RIGI: variants seen among roughly 807,000 people sequenced by gnomAD.
RIGI encodes RNA sensor RIG-I.
the RIGI span, among the ~76,000 whole-genome samples, chr9:32,519,907 G>A: frequency 6.6e-6 from 1 of 152,200 alleles, no homozygotes; most frequent in African/African-American, 2.4e-5. Flanking sequence ...CAAGTGTTAT[G>A]CCAGTTTGAA....
chr9:32,514,070 A>G, the RIGI span, among the ~76,000 whole-genome samples: 1 of 152,218 alleles, frequency 6.6e-6, no homozygotes, highest in Non-Finnish European at 1.5e-5. Context: ...AAAAGTCAGG[A>G]AACAACAGAT....
the RIGI span, among the ~76,000 whole-genome samples, chr9:32,501,524 A>AGAAG: frequency 6.6e-6 from 1 of 152,050 alleles, no homozygotes; most frequent in Non-Finnish European, 1.5e-5. Flanking sequence ...CAAAGAAAGG[A>AGAAG]GAAGGAAGGA....
the RIGI span, chr9:32,525,971 C>G: frequency 5.8e-6 from 6 of 1,027,516 alleles, no homozygotes; most frequent in South Asian, 5.2e-5. Flanking sequence ...CTGGCAGGCT[C>G]TCTGCATTGA....
the RIGI span, chr9:32,485,314 AGAGT>A: frequency 7.1e-7 from 1 of 1,417,722 alleles, no homozygotes; most frequent in Non-Finnish European, 9.7e-7. Context: ...AAAGAAAAAA[AGAGT>A]GAGTATATTT....
chr9:32,478,167 T>C, the RIGI span, among the ~76,000 whole-genome samples: 3,689 of 151,842 alleles, frequency 0.024, 167 homozygotes, highest in African/African-American at 0.086. Context: ...CCTCAGCCTC[T>C]CAAGTAACTG....
chr9:32,472,976 T>A, the RIGI span: 1 of 1,606,060 alleles, frequency 6.2e-7, no homozygotes, highest in South Asian at 1.1e-5. Flanking sequence ...TATAAATACC[T>A]GTGTTCTGAT....
At chr9:32,457,337 T>C in the RIGI span, 1 of 1,614,152 alleles carries the variant, frequency 6.2e-7, no homozygotes, top group Non-Finnish European at 8.5e-7. Flanking sequence ...TTTTCAAAAC[T>C]TGAAAACTGC....
At chr9:32,491,159 T>C in the RIGI span, 6 of 890,394 alleles carry the variant, frequency 6.7e-6, no homozygotes, top group East Asian at 8.0e-5. Context: ...AAAGTATCTA[T>C]TGTAACATAA....
the RIGI span, among the ~76,000 whole-genome samples, chr9:32,496,232 G>C: frequency 6.6e-6 from 1 of 152,024 alleles, no homozygotes; most frequent in Non-Finnish European, 1.5e-5. Context: ...TCTTATATTT[G>C]CTCTTTAATG....
At chr9:32,471,415 A>G in the RIGI span, among the ~76,000 whole-genome samples, 33 of 152,338 alleles carry the variant, frequency 2.2e-4, no homozygotes, top group Middle Eastern at 3.4e-3. Flanking sequence ...TTAATTTCTT[A>G]GTTTATTCAT....
the RIGI span, among the ~76,000 whole-genome samples, chr9:32,517,706 G>C: frequency 6.6e-6 from 1 of 152,156 alleles, no homozygotes; most frequent in Non-Finnish European, 1.5e-5. Context: ...CTAATTTAAT[G>C]CTGTTAGTTT....
chr9:32,492,229 G>A, the RIGI span, among the ~76,000 whole-genome samples: 5 of 152,076 alleles, frequency 3.3e-5, no homozygotes, highest in Non-Finnish European at 7.4e-5. Flanking sequence ...TAATTTTGTA[G>A]GCAAGTAACT....
the RIGI span, chr9:32,457,556 G>A: frequency 4.0e-6 from 3 of 748,186 alleles, no homozygotes; most frequent in African/African-American, 5.4e-5. Flanking sequence ...TTTACAATTG[G>A]AGGAAAAAAA....
chr9:32,458,062 T>G, the RIGI span, among the ~76,000 whole-genome samples: 2 of 152,178 alleles, frequency 1.3e-5, no homozygotes, highest in African/African-American at 4.8e-5. Flanking sequence ...CCTAATAGGC[T>G]TTTTGCCCAA....
At chr9:32,476,631 G>A in the RIGI span, among the ~76,000 whole-genome samples, 9 of 150,430 alleles carry the variant, frequency 6.0e-5, no homozygotes, top group East Asian at 3.9e-4. Context: ...TTTCTTGACC[G>A]TAGAGAGAAA....
At chr9:32,518,955 C>T in the RIGI span, among the ~76,000 whole-genome samples, 1 of 152,180 alleles carries the variant, frequency 6.6e-6, no homozygotes, top group African/African-American at 2.4e-5. Context: ...AGTGATTCAC[C>T]CATCTTGGCC....
the RIGI span, among the ~76,000 whole-genome samples, chr9:32,499,316 G>GTT: frequency 0.031 from 1,780 of 57,534 alleles, 48 homozygotes; most frequent in Admixed American, 0.053. Context: ...TTTGTGATTT[G>GTT]TTTTTTTTTT....
the RIGI span, among the ~76,000 whole-genome samples, chr9:32,519,707 T>C: frequency 3.3e-5 from 5 of 152,206 alleles, no homozygotes; most frequent in Non-Finnish European, 7.4e-5. Flanking sequence ...GCTTTGTCTT[T>C]AAGGAAATTA....
chr9:32,499,316 GT>G, the RIGI span, among the ~76,000 whole-genome samples: 2,719 of 57,630 alleles, frequency 0.047, 7 homozygotes, highest in Middle Eastern at 0.1. Context: ...TTTGTGATTT[GT>G]TTTTTTTTTT....
Sources: gnomAD v4.1 joint callset for allele counts (sites outside exome capture counted in the v4.1 genomes callset) on GRCh38, gnomAD v4.1.1 for gene constraint, MANE v1.5 for transcripts, NCBI Gene and HGNC (gene_info 2026-07-23, HGNC 2026-07-21) for gene names.